The following CSMD1 variants were observed in gnomAD, a reference collection of about 807,000 sequenced individuals.
CSMD1 encodes CUB and sushi domain-containing protein 1.
Under a neutral mutation model 417.5 loss-of-function variants are expected in CSMD1, and 213 were observed. The ratio of observed to expected loss-of-function variants is 0.51; its 90% confidence interval spans 0.46 to 0.57. CSMD1 has a LOEUF of 0.57. Ranked by LOEUF, CSMD1 falls within the 20% of genes least tolerant of loss-of-function variation. The pLI, the probability that CSMD1 is intolerant of heterozygous loss-of-function variation, is 0.00. For synonymous variants in CSMD1, 2,862 were observed against 1,736.8 expected, an observed-to-expected ratio of 1.65 and a Z score of -16.11; for missense variants, 6,923 against 4,529.7, an observed-to-expected ratio of 1.53 and a Z score of -15.17.
intron 3 of CSMD1, among the ~76,000 whole-genome samples, chr8:4,216,809 C>T (rs373391940): frequency 7.2e-5 from 11 of 152,262 alleles, no homozygotes; most frequent in African/African-American, 1.9e-4. Context: ...ACACAGAATT[C>T]CAACACAAGA....
At chr8:3,517,716 A>C (rs1168923436) in intron 10 of CSMD1, among the ~76,000 whole-genome samples, 2 of 152,196 alleles carry the variant, frequency 1.3e-5, no homozygotes, top group East Asian at 3.9e-4. Flanking sequence ...ACATTTTTTG[A>C]TAGTATAACT....
intron 10 of CSMD1, among the ~76,000 whole-genome samples, chr8:3,513,687 T>C (rs1013571217): frequency 1.3e-5 from 2 of 152,182 alleles, no homozygotes; most frequent in South Asian, 2.1e-4. Context: ...CCACAAAATA[T>C]AGACACTTGG....
intron 8 of CSMD1, among the ~76,000 whole-genome samples, chr8:3,616,312 T>C (rs763179359): frequency 5.3e-5 from 8 of 152,072 alleles, no homozygotes; most frequent in Non-Finnish European, 8.8e-5. Context: ...GATGGTTTTT[T>C]AAGAGGATTT....
chr8:3,964,309 C>T (rs192126950), intron 5 of CSMD1, among the ~76,000 whole-genome samples: 7 of 152,258 alleles, frequency 4.6e-5, no homozygotes, highest in African/African-American at 7.2e-5. Context: ...CACAGTCACG[C>T]GGCCATAAGT....
In CSMD1 at chr8:2,946,043, G is replaced by A. The variant is rs190895080; in HGVS notation, c.10402+3256C>T. On this transcript the variant is annotated intron_variant, in intron 68 of 69. Transcript: ENST00000635120. ...GCATCAGAGTGCACTCACACACCTA[G>A]ACGGTGTTGCCTACTGCATATCTAG... Among the ~76,000 whole-genome samples, 58 of 152,292 alleles carry A rather than the reference G, an allele frequency of 3.8e-4. No individual in the cohort carries two copies. In the East Asian group the frequency reaches 9.1e-3, roughly 24 times the overall value.
chr8:3,461,290 C>A (rs1407744587), intron 12 of CSMD1, among the ~76,000 whole-genome samples: 2 of 152,154 alleles, frequency 1.3e-5, no homozygotes, highest in African/African-American at 4.8e-5. Context: ...AAGGCTTTTG[C>A]TGGATAGAAT....
chr8:4,475,345 G>C (rs1053510320), intron 2 of CSMD1, among the ~76,000 whole-genome samples: 1 of 152,108 alleles, frequency 6.6e-6, no homozygotes, highest in Non-Finnish European at 1.5e-5. Context: ...GACAGAAGCA[G>C]TATATTAATA....
intron 3 of CSMD1, among the ~76,000 whole-genome samples, chr8:4,204,591 A>G (rs1010257257): frequency 6.6e-6 from 1 of 152,214 alleles, no homozygotes; most frequent in East Asian, 1.9e-4. Flanking sequence ...AATCTGACAA[A>G]AATAATTGCA....
intron 3 of CSMD1, among the ~76,000 whole-genome samples, chr8:4,040,074 A>C (rs1056436655): frequency 3.3e-5 from 5 of 152,224 alleles, no homozygotes; most frequent in Non-Finnish European, 7.3e-5. Flanking sequence ...GAAATAATAC[A>C]ATTTTCAAAG....
chr8:3,252,186 T>C (rs1225378994), intron 26 of CSMD1, among the ~76,000 whole-genome samples: 1 of 152,202 alleles, frequency 6.6e-6, no homozygotes, highest in Non-Finnish European at 1.5e-5. Flanking sequence ...CAGTATGATA[T>C]TGGCTGTGGG....
intron 10 of CSMD1, among the ~76,000 whole-genome samples, chr8:3,552,389 T>C (rs1276430382): frequency 6.6e-6 from 1 of 152,180 alleles, no homozygotes; most frequent in Non-Finnish European, 1.5e-5. Context: ...TTTGTAAGCA[T>C]TACATGCTAA....
chr8:3,468,966 T>C, intron 11 of CSMD1, 142 bp from the exon 12 acceptor site: 1 of 558,852 alleles, frequency 1.8e-6, no homozygotes, highest in East Asian at 3.0e-5. Context: ...CTGTACAGCC[T>C]CTGGTCCATT....
chr8:4,033,471 C>A (rs1023503740), intron 3 of CSMD1, among the ~76,000 whole-genome samples: 2 of 152,060 alleles, frequency 1.3e-5, no homozygotes, highest in Non-Finnish European at 2.9e-5. Flanking sequence ...AATAAAAAAA[C>A]CTTTGATTCT....
chr8:3,950,857 A>C (rs1473315714), intron 5 of CSMD1, among the ~76,000 whole-genome samples: 3 of 152,032 alleles, frequency 2.0e-5, no homozygotes, highest in Non-Finnish European at 4.4e-5. Context: ...TTTCTTTAAA[A>C]GATTAAATTT....
At chr8:4,071,115 C>CTT (rs201223076) in intron 3 of CSMD1, among the ~76,000 whole-genome samples, 17 of 150,786 alleles carry the variant, frequency 1.1e-4, no homozygotes, top group Admixed American at 2.7e-4. Context: ...ACTCTTGAGT[C>CTT]TTTTTTTTTC....
intron 10 of CSMD1, among the ~76,000 whole-genome samples, chr8:3,559,843 A>G (rs567336262): frequency 2.4e-4 from 36 of 152,330 alleles, no homozygotes; most frequent in South Asian, 6.2e-4. Flanking sequence ...ATATGGCAAG[A>G]CTACTAAGAG....
intron 5 of CSMD1, among the ~76,000 whole-genome samples, chr8:3,940,403 C>T (rs946875727): frequency 9.9e-5 from 15 of 151,338 alleles, no homozygotes; most frequent in Non-Finnish European, 7.4e-5. Flanking sequence ...AAAATAATGA[C>T]AAAAATGTTT....
intron 2 of CSMD1, among the ~76,000 whole-genome samples, chr8:4,626,111 A>G (rs947087323): frequency 7.2e-5 from 11 of 152,170 alleles, no homozygotes; most frequent in African/African-American, 2.7e-4. Context: ...AGATTCATGT[A>G]TAGACCATGA....
chr8:3,142,491 C>T lies in CSMD1; in HGVS notation c.6215G>A (p.Arg2072Gln), dbSNP rs751364817. The T allele has an allele frequency of 1.7e-5, 27 of 1,613,570 alleles. 1 individual carries two copies. In the African/African-American group the frequency reaches 2.4e-4, roughly 14 times the overall value. Residue 2072 changes from arginine (R) to glutamine (Q), a missense_variant, in exon 41 of 70, where the codon CGG becomes CAG. Physicochemically the swap from Arg to Gln is conservative, Grantham distance 43. Coordinates refer to ENST00000635120, the MANE Select transcript of CSMD1 (RefSeq NM_033225.6). ...IHFYSDHSQNRQGFKLAYQAY... is the reference protein window; with the variant it reads ...IHFYSDHSQNQQGFKLAYQAY... The stretch of plus-strand genomic sequence containing the variant: ...TTGGTAAGCAAGTTTAAATCCTTGC[C>T]GGTTTTGCGAATGGTCACTATAAAA...
Sources: gnomAD v4.1 joint callset for allele counts (sites outside exome capture counted in the v4.1 genomes callset) on GRCh38, gnomAD v4.1.1 for gene constraint, MANE v1.5 for transcripts, NCBI Gene and HGNC (gene_info 2026-07-23, HGNC 2026-07-21) for gene names.